CPXM2: variants seen among roughly 807,000 people sequenced by gnomAD.
CPXM2 encodes the protein carboxypeptidase X, M14 family member 2.
A neutral mutation model predicts 86.1 loss-of-function variants in CPXM2; 66 were observed. The observed-to-expected ratio is 0.77, with a 90% CI of 0.63 to 0.94. The LOEUF (loss-of-function observed/expected upper bound fraction) is 0.94, where lower values mean the gene tolerates loss of function less well. Ranked by LOEUF, CPXM2 falls within the 40% of genes least tolerant of loss-of-function variation. The pLI is 0.00. For synonymous variants in CPXM2, 388 were observed against 400.2 expected (o/e 0.97, Z 0.36); for missense variants, 948 against 1,026.3 (o/e 0.92, Z 1.04).
At chr10:123,880,625 C>T (rs761170368) in intron 1 of CPXM2, among the ~76,000 whole-genome samples, 6 of 152,054 alleles carry the variant, frequency 3.9e-5, no homozygotes, top group South Asian at 2.1e-4. Context: ...GTCAGGAGAT[C>T]AAGACCATCC....
chr10:123,894,173 G>A (rs1024587832), upstream of CPXM2, among the ~76,000 whole-genome samples: 1 of 152,188 alleles, frequency 6.6e-6, no homozygotes, highest in African/African-American at 2.4e-5. Context: ...TTTAAAGTCA[G>A]GCCATATACA....
At chr10:123,881,413 G>A (rs1200673474) in intron 1 of CPXM2, among the ~76,000 whole-genome samples, 1 of 151,938 alleles carries the variant, frequency 6.6e-6, no homozygotes, top group Non-Finnish European at 1.5e-5. Flanking sequence ...TCTAGGTAGA[G>A]CCTGATGCAG....
chr10:123,914,317 G>A (rs745943916), intron 2 of CPXM2, among the ~76,000 whole-genome samples: 1 of 152,110 alleles, frequency 6.6e-6, no homozygotes, highest in Non-Finnish European at 1.5e-5. Flanking sequence ...TCTCTGCCTC[G>A]TCTTCCTTCT....
intron 12 of CPXM2, among the ~76,000 whole-genome samples, chr10:123,756,323 G>A (rs1469704215): frequency 6.6e-6 from 1 of 152,174 alleles, no homozygotes; most frequent in East Asian, 1.9e-4. Context: ...CCTTAGTGGG[G>A]CCCGGATACT....
intron 4 of CPXM2, among the ~76,000 whole-genome samples, chr10:123,813,858 T>A (rs780563319): frequency 2.0e-5 from 3 of 152,222 alleles, no homozygotes; most frequent in African/African-American, 2.4e-5. Flanking sequence ...TTGTGGGAGT[T>A]ATTTTTCCAC....
chr10:123,761,879 G>A lies in CPXM2; in HGVS notation c.1770C>T (p.Val590=), dbSNP rs369681113. The A allele has an allele frequency of 1.3e-5, 21 of 1,613,098 alleles. No individual in the cohort carries two copies. The highest frequency in any genetic ancestry group is 1.1e-4 in the African/African-American group (8 of 75,022). The change falls in exon 11 of 14, where the codon GTC becomes GTT. Residue 590 remains valine, a synonymous_variant. Coordinates refer to ENST00000241305, the MANE Select transcript of CPXM2 (RefSeq NM_198148.3). ...CCCCAGAGGGAGGCTTACTTCCAGC[G>A]ACGGTGTGCCAGGAGGCCCCATTGA... ...GTVNGASWHT[V]AGSLNDFSYL...
intron 3 of CPXM2, among the ~76,000 whole-genome samples, chr10:123,858,083 C>A (rs1427505920): frequency 7.2e-5 from 11 of 152,256 alleles, no homozygotes; most frequent in Admixed American, 7.2e-4. Flanking sequence ...AGACCATTCA[C>A]AGACTAGCAA....
chr10:123,910,501 C>T (rs1398190808), intron 2 of CPXM2, among the ~76,000 whole-genome samples: 1 of 152,174 alleles, frequency 6.6e-6, no homozygotes, highest in Non-Finnish European at 1.5e-5. Flanking sequence ...TGATCCACTG[C>T]ATCCCAGCTT....
rs567796915 is a variant in CPXM2 at position 123,757,706 on chromosome 10, G to GT, written c.1778-355dup. Among the ~76,000 whole-genome samples the GT allele has an allele frequency of 2.5e-3, 381 of 152,204 alleles. 2 individuals carry two copies. Among genetic ancestry groups the GT allele is most frequent in the Admixed American group, 0.022 (343 of 15,292 alleles). ...AAGCTATCATTCATGAACACTATAG[G>GT]TTTTAAGTGTTTGATTAAGTTTATC... On this transcript the variant is annotated intron_variant, in intron 11 of 13. Transcript: ENST00000241305.
chr10:123,903,024 C>A (rs865797176), intron 2 of CPXM2, among the ~76,000 whole-genome samples: 21 of 152,360 alleles, frequency 1.4e-4, no homozygotes, highest in Middle Eastern at 3.4e-3. Context: ...CAGCAAACAC[C>A]TACTTGCACA....
intron 4 of CPXM2, among the ~76,000 whole-genome samples, chr10:123,815,847 A>C (rs1312545129): frequency 6.6e-6 from 1 of 152,218 alleles, no homozygotes; most frequent in African/African-American, 2.4e-5. Flanking sequence ...TCTGAAGAAC[A>C]GGCATGGGAA....
intron 2 of CPXM2, among the ~76,000 whole-genome samples, chr10:123,921,625 G>T (rs1945580017): frequency 6.6e-6 from 1 of 152,360 alleles, no homozygotes; most frequent in South Asian, 2.1e-4. Context: ...AGGAGCATGA[G>T]CTCAGGATCC....
chr10:123,866,379 T>A (rs573646424), intron 2 of CPXM2, among the ~76,000 whole-genome samples: 1 of 141,470 alleles, frequency 7.1e-6, no homozygotes, highest in Non-Finnish European at 1.5e-5. Flanking sequence ...GCCTGGCCGA[T>A]ATGGTGAAAC....
At chr10:123,894,907 C>T (rs1236474797), upstream of CPXM2, among the ~76,000 whole-genome samples, 2 of 152,036 alleles carry the variant, frequency 1.3e-5, no homozygotes, top group Non-Finnish European at 2.9e-5. Context: ...ATCTGCCGTC[C>T]ACTCTTCCTT....
intron 6 of CPXM2, among the ~76,000 whole-genome samples, chr10:123,788,298 G>GA (rs1398113399): frequency 1.6e-5 from 2 of 124,898 alleles, no homozygotes; most frequent in African/African-American, 5.9e-5. Flanking sequence ...AAAAAAAAAA[G>GA]AAAAGAAAAA....
intron 2 of CPXM2, among the ~76,000 whole-genome samples, chr10:123,923,564 G>C (rs1001859456): frequency 1.3e-5 from 2 of 151,080 alleles, no homozygotes; most frequent in East Asian, 2.0e-4. Flanking sequence ...CTGGGCGACA[G>C]AGCGAGACTC....
intron 2 of CPXM2, among the ~76,000 whole-genome samples, chr10:123,908,345 G>A (rs1451342741): frequency 2.0e-5 from 3 of 152,168 alleles, no homozygotes; most frequent in African/African-American, 7.2e-5. Context: ...AGCAGCTATT[G>A]ACAAGAGACT....
rs1460860524 is a variant in CPXM2, at chr10:123,745,690, G to A, written c.*1074C>T. The A allele has an allele frequency of 6.6e-6, 1 of 151,894 alleles. No individual in the cohort carries two copies. The highest frequency in any genetic ancestry group is 1.5e-5 in the Non-Finnish European group (1 of 67,998). The allele number at this position is 151,894 out of a possible 1,614,324, so 9.4% of individuals were successfully genotyped here. Reference sequence around the variant, plus strand: ...TTTTCATTTTTCCCAGGTCAATGAGGCAGCAACATTAACAAAAAGTGAGAC... The same window carrying A: ...TTTTCATTTTTCCCAGGTCAATGAGACAGCAACATTAACAAAAAGTGAGAC... On this transcript the variant is annotated 3_prime_UTR_variant, in exon 14 of 14. Coordinates refer to ENST00000241305, the MANE Select transcript of CPXM2 (RefSeq NM_198148.3).
At chr10:123,910,066 CACCA>C (rs1945475531) in intron 2 of CPXM2, among the ~76,000 whole-genome samples, 1 of 152,062 alleles carries the variant, frequency 6.6e-6, no homozygotes, top group Non-Finnish European at 1.5e-5. Flanking sequence ...CAGGTGCAGC[CACCA>C]TAGACAGGTG....
Sources: allele counts gnomAD v4.1 joint callset (sites outside exome capture counted in the v4.1 genomes callset), GRCh38; gene constraint gnomAD v4.1.1; transcripts MANE v1.5; gene names NCBI Gene and HGNC (gene_info 2026-07-23, HGNC 2026-07-21).